Variants in GDAP1 observed in about 807,000 individuals in gnomAD.
The protein encoded by GDAP1 is ganglioside-induced differentiation-associated protein 1.
A neutral mutation model predicts 40.1 loss-of-function variants in GDAP1; 34 were observed. The ratio of observed to expected loss-of-function variants is 0.85; its 90% CI spans 0.64 to 1.13. GDAP1 has a LOEUF of 1.13. Ranked by LOEUF, GDAP1 falls within the 50% of genes most tolerant of loss-of-function variation. GDAP1 has a pLI of 0.00. For missense variants in GDAP1, 374 were observed against 433.7 expected (o/e 0.86, Z 1.22); for synonymous variants, 170 against 157.4 (o/e 1.08, Z -0.60).
chr8:74,477,158 C>T (rs1563480170), intron 2 of GDAP1, among the ~76,000 whole-genome samples: 1 of 152,178 alleles, frequency 6.6e-6, no homozygotes, highest in African/African-American at 2.4e-5. Flanking sequence ...CTTTTCTCTA[C>T]TGGCTATTTT....
chr8:74,422,287 TTC>T (rs1309098675), intron 2 of GDAP1, among the ~76,000 whole-genome samples: 3 of 20,166 alleles, frequency 1.5e-4, no homozygotes, highest in African/African-American at 7.0e-4. Context: ...CTTTTTTCTT[TTC>T]TTTCTTTCTT....
At chr8:74,457,820 C>T (rs1806354508) in intron 2 of GDAP1, among the ~76,000 whole-genome samples, 1 of 152,106 alleles carries the variant, frequency 6.6e-6, no homozygotes, top group Non-Finnish European at 1.5e-5. Flanking sequence ...GTTTAAGCTA[C>T]AAGACACTAT....
intron 2 of GDAP1, among the ~76,000 whole-genome samples, chr8:74,402,264 G>A (rs981818231): frequency 2.0e-5 from 3 of 150,466 alleles, no homozygotes; most frequent in South Asian, 2.1e-4. Context: ...AATGGCGGGC[G>A]CCCCTCCCCC....
chr8:74,486,234 T>C (rs544224041), intron 2 of GDAP1, among the ~76,000 whole-genome samples: 3 of 152,328 alleles, frequency 2.0e-5, no homozygotes, highest in Non-Finnish European at 2.9e-5. Context: ...GTTACTATTA[T>C]TCGTTTTTTA....
chr8:74,367,265 A>AC (rs1809675192), downstream of GDAP1, among the ~76,000 whole-genome samples: 1 of 152,172 alleles, frequency 6.6e-6, no homozygotes, highest in African/African-American at 2.4e-5. Context: ...ATATTTATGT[A>AC]TATTTTTGAC....
intron 2 of GDAP1, among the ~76,000 whole-genome samples, chr8:74,397,128 G>C (rs1025878524): frequency 6.6e-6 from 1 of 151,596 alleles, no homozygotes; most frequent in African/African-American, 2.4e-5. Flanking sequence ...ATTTTTTCAT[G>C]TATCTGTTGG....
chr8:74,441,787 C>T, intron 2 of GDAP1, among the ~76,000 whole-genome samples: 1 of 152,048 alleles, frequency 6.6e-6, no homozygotes, highest in Non-Finnish European at 1.5e-5. Flanking sequence ...AGGAAATTAT[C>T]AGTTTTCTTC....
chr8:74,478,833 G>A (rs947697839), intron 2 of GDAP1, among the ~76,000 whole-genome samples: 11 of 152,128 alleles, frequency 7.2e-5, no homozygotes, highest in Non-Finnish European at 1.5e-4. Context: ...GATGCCGGAG[G>A]ACTATGGTGA....
chr8:74,351,412 A>G lies in GDAP1; in HGVS notation c.256A>G (p.Ile86Val), dbSNP rs144037310. 30 of 1,614,140 alleles carry G rather than the reference A, an allele frequency of 1.9e-5. No individual in the cohort carries two copies. The African/African-American group carries it at 3.9e-4, about 21-fold the overall frequency. ...EVPVLIHGEN[I>V]ICEATQIIDY... is the part of the protein sequence containing the mutation. Reference sequence around the variant, plus strand: ...GCCTGTCCTTATCCACGGGGAAAACATAATTTGTGAGGCCACTCAGATCAT... The same window carrying G: ...GCCTGTCCTTATCCACGGGGAAAACGTAATTTGTGAGGCCACTCAGATCAT... The change falls in exon 2 of 6, where the codon ATA becomes GTA. Residue 86 changes from isoleucine to valine, a missense_variant. Physicochemically the swap from Ile to Val is conservative, Grantham distance 29. Coordinates refer to ENST00000220822, the MANE Select transcript of GDAP1 (RefSeq NM_018972.4).
chr8:74,433,140 A>G (rs1006544004), intron 2 of GDAP1, among the ~76,000 whole-genome samples: 6 of 152,148 alleles, frequency 3.9e-5, no homozygotes, highest in African/African-American at 1.4e-4. Context: ...CTCTAGTGCT[A>G]AGGTCTTTTC....
chr8:74,364,474 C>T lies in GDAP1; in HGVS notation c.*107C>T, dbSNP rs762813366. On this transcript the variant is annotated 3_prime_UTR_variant, in exon 6 of 6. Coordinates refer to ENST00000220822, the MANE Select transcript of GDAP1 (RefSeq NM_018972.4). ...TATTGAGTAGTTAGCAGTATTTTTT[C>T]CTAAAATTCAGAAGTCATCTTTGTT... 177 of 1,179,248 alleles carry T rather than the reference C, an allele frequency of 1.5e-4. No homozygotes were observed. Among genetic ancestry groups the T allele is most frequent in the Non-Finnish European group, 1.9e-4 (155 of 799,238 alleles). 73.0% of individuals were successfully genotyped at this position (1,179,248 alleles called of 1,614,324 possible).
intron 2 of GDAP1, among the ~76,000 whole-genome samples, chr8:74,373,093 G>T (rs1252796556): frequency 6.6e-6 from 1 of 152,130 alleles, no homozygotes; most frequent in Non-Finnish European, 1.5e-5. Context: ...ATTTCTGAGG[G>T]CTCTGTTCTG....
intron 2 of GDAP1, among the ~76,000 whole-genome samples, chr8:74,402,384 C>T (rs1810361110): frequency 6.6e-6 from 1 of 150,400 alleles, no homozygotes; most frequent in Non-Finnish European, 1.5e-5. Flanking sequence ...TCTCCTGGTG[C>T]ACCGTTTTTT....
At chr8:74,435,706 T>C (rs927375144) in intron 2 of GDAP1, among the ~76,000 whole-genome samples, 2 of 152,222 alleles carry the variant, frequency 1.3e-5, no homozygotes, top group African/African-American at 4.8e-5. Flanking sequence ...GATTTCCATA[T>C]TGAATCTCAC....
At chr8:74,435,625 AAATT>A (rs1806079548) in intron 2 of GDAP1, among the ~76,000 whole-genome samples, 1 of 152,248 alleles carries the variant, frequency 6.6e-6, no homozygotes, top group African/African-American at 2.4e-5. Flanking sequence ...AAACACCAGC[AAATT>A]AATCAGCTTT....
At chr8:74,441,198 T>C (rs1223460352) in intron 2 of GDAP1, among the ~76,000 whole-genome samples, 1 of 152,130 alleles carries the variant, frequency 6.6e-6, no homozygotes, top group East Asian at 1.9e-4. Flanking sequence ...CCCTTAGATT[T>C]GTAGTGATTT....
intron 2 of GDAP1, among the ~76,000 whole-genome samples, chr8:74,389,338 ACT>A (rs762075941): frequency 3.3e-5 from 5 of 151,924 alleles, no homozygotes; most frequent in Non-Finnish European, 7.4e-5. Flanking sequence ...CATATTTAGT[ACT>A]TTCTTCAGGA....
In GDAP1 at chr8:74,351,433, A is replaced by G. The variant is rs1287113340; in HGVS notation, c.277A>G (p.Ile93Val). The change falls in exon 2 of 6, where the codon ATC (isoleucine) becomes GTC (valine). Residue 93 changes from isoleucine (I) to valine (V), a missense_variant. Coordinates refer to ENST00000220822, the MANE Select transcript of GDAP1 (RefSeq NM_018972.4). ...GENIICEATQ[I>V]IDYLEQTFLD... is the part of the protein sequence containing the mutation. ...AAACATAATTTGTGAGGCCACTCAG[A>G]TCATTGATTATCTTGAACAGACTTT... 1 of 1,614,000 alleles carries G rather than the reference A, an allele frequency of 6.2e-7. No homozygotes were observed. The highest frequency in any genetic ancestry group is 8.5e-7 in the Non-Finnish European group (1 of 1,179,828).
intron 4 of GDAP1, 46 bp downstream of exon 4, chr8:74,362,024 A>C (rs1336823017): frequency 2.1e-6 from 2 of 969,584 alleles, no homozygotes; most frequent in African/African-American, 3.2e-5. Context: ...GCACGGAGTA[A>C]ATGTTCTACT....
Sources: gnomAD v4.1 joint callset for allele counts (sites outside exome capture counted in the v4.1 genomes callset) on GRCh38, gnomAD v4.1.1 for gene constraint, MANE v1.5 for transcripts, NCBI Gene and HGNC (gene_info 2026-07-23, HGNC 2026-07-21) for gene names.